TMCO1: variants seen among roughly 807,000 people sequenced by gnomAD.
TMCO1 encodes the protein transmembrane and coiled-coil domains 1, also known as calcium load-activated calcium channel.
A neutral mutation model predicts 29.3 loss-of-function variants in TMCO1; 29 were observed. That is an observed-to-expected ratio of 0.99 (90% CI 0.74 to 1.35). The LOEUF (loss-of-function observed/expected upper bound fraction) is 1.35, where lower values mean the gene tolerates loss of function less well. TMCO1 is among the 40% of genes most tolerant of loss of function. The probability of loss-of-function intolerance (pLI) is 0.00; values close to 1 mark genes in which losing one functional copy is unlikely to be tolerated. For missense variants in TMCO1, 173 were observed against 225.5 expected, an observed-to-expected ratio of 0.77 and a Z score of 1.49; for synonymous variants, 80 against 77.1, an observed-to-expected ratio of 1.04 and a Z score of -0.20.
At chr1:165,725,838 T>C, downstream of TMCO1, 1 of 485,138 alleles carries the variant, frequency 2.1e-6, no homozygotes, top group Non-Finnish European at 4.0e-6. Context: ...CTTTTAAGAA[T>C]AGAGTGAATA....
chr1:165,738,162 A>G (rs4366297), intron 6 of TMCO1, among the ~76,000 whole-genome samples: 36,429 of 152,084 alleles, frequency 0.24, 5,450 homozygotes, highest in East Asian at 0.58. Flanking sequence ...GTGTGGTGGC[A>G]TGCACCTGTA....
intron 6 of TMCO1, among the ~76,000 whole-genome samples, chr1:165,742,512 C>T (rs1203490186): frequency 6.6e-6 from 1 of 152,316 alleles, no homozygotes; most frequent in East Asian, 1.9e-4. Context: ...ATTCTCACGC[C>T]TCAGCCTACC....
chr1:165,742,635 A>G (rs1205746291), intron 6 of TMCO1, among the ~76,000 whole-genome samples: 4 of 151,888 alleles, frequency 2.6e-5, no homozygotes, highest in Admixed American at 6.6e-5. Context: ...ACCTTTCCCC[A>G]CTAATCGAAT....
chr1:165,744,790 CAAA>C lies in TMCO1; in HGVS notation c.324-1482_324-1480del, dbSNP rs558392976. On this transcript the variant is annotated intron_variant, in intron 5 of 6. Coordinates refer to ENST00000367881, the MANE Select transcript of TMCO1 (RefSeq NM_019026.6). Reference sequence around the variant, plus strand: ...GGGCAACAAGAGCAAAACTCCATCTCAAAAAAAAAAAAAAAAAAAAAATTTCAA... The same window carrying C: ...GGGCAACAAGAGCAAAACTCCATCTCAAAAAAAAAAAAAAAAAAATTTCAA... Among the ~76,000 whole-genome samples, 572 of 103,974 alleles carry C rather than the reference CAAA, an allele frequency of 5.5e-3. 3 individuals carry two copies. The highest frequency in any genetic ancestry group is 8.5e-3 in the Middle Eastern group (2 of 234). The allele number at this position is 103,974 out of a possible 152,430, so 68.2% of individuals were successfully genotyped here.
At chr1:165,751,460 T>C (rs955984637) in intron 5 of TMCO1, among the ~76,000 whole-genome samples, 1 of 152,142 alleles carries the variant, frequency 6.6e-6, no homozygotes, top group Non-Finnish European at 1.5e-5. Context: ...TCCCAGCACT[T>C]TGGGAGGCCG....
At chr1:165,741,241 G>A (rs918251622) in intron 6 of TMCO1, among the ~76,000 whole-genome samples, 1 of 152,050 alleles carries the variant, frequency 6.6e-6, no homozygotes, top group African/African-American at 2.4e-5. Context: ...AAGTTCAGCT[G>A]GTTTCCCCTT....
Position 165,768,482 on chromosome 1 carries a change from C to T in TMCO1, c.70+200G>A, listed in dbSNP as rs745310592. 1.2e-5 allele frequency: 18 copies of T among 1,542,770 alleles called. No homozygotes were observed. The East Asian group carries it at 3.4e-4, about 29-fold the overall frequency. ...CCACAAATACCCAAGTGAAATCTAC[C>T]TGAGACCAAAGAAAACTCGGCAATC... On this transcript the variant is annotated intron_variant, in intron 1 of 6. Transcript: ENST00000367881.
chr1:165,725,775 A>G (rs1029003022), downstream of TMCO1: 1 of 456,006 alleles, frequency 2.2e-6, no homozygotes, highest in African/African-American at 2.0e-5. Context: ...AACTCCTTGA[A>G]TTTAATTCTT....
intron 4 of TMCO1, 67 bp from the exon 5 acceptor site, chr1:165,752,236 G>C: frequency 2.0e-6 from 2 of 1,004,472 alleles, no homozygotes; most frequent in Non-Finnish European, 3.0e-6. Context: ...TATCTCAAAA[G>C]TTTTGGTTTC....
At chr1:165,749,950 A>G (rs1288620446) in intron 5 of TMCO1, among the ~76,000 whole-genome samples, 1 of 152,164 alleles carries the variant, frequency 6.6e-6, no homozygotes, top group Non-Finnish European at 1.5e-5. Flanking sequence ...AATCTCACAC[A>G]AATTATCAAA....
chr1:165,750,772 T>C (rs55763123), intron 5 of TMCO1, among the ~76,000 whole-genome samples: 2,018 of 151,848 alleles, frequency 0.013, 52 homozygotes, highest in African/African-American at 0.047. Flanking sequence ...CAAAAAACTT[T>C]TTAAAAATTA....
rs1652110710 is a variant in TMCO1 at position 165,754,279 on chromosome 1, A to G, written c.209-5T>C. ...TCAGTTTCTCTTCTTGTCTCTCTGC[A>G]AAGAATTAATGAGATGGTTAATACA... On this transcript the variant is annotated splice_polypyrimidine_tract_variant and splice_region_variant and intron_variant, in intron 3 of 6. Transcript: ENST00000367881. 6.2e-7 allele frequency: 1 copy of G among 1,608,950 alleles called. No individual in the cohort carries two copies. The highest frequency in any genetic ancestry group is 2.2e-5 in the East Asian group (1 of 44,748).
intron 2 of TMCO1, among the ~76,000 whole-genome samples, chr1:165,762,500 T>C (rs949986095): frequency 7.2e-5 from 11 of 152,176 alleles, no homozygotes; most frequent in African/African-American, 2.4e-4. Context: ...TCTGGTCTTC[T>C]AGAAGACCAG....
chr1:165,740,262 C>T (rs962252946), intron 6 of TMCO1, among the ~76,000 whole-genome samples: 2 of 151,918 alleles, frequency 1.3e-5, no homozygotes, highest in African/African-American at 2.4e-5. Flanking sequence ...AGTGCAGTGG[C>T]GTGATCTTGG....
chr1:165,725,890 T>C, downstream of TMCO1: 1 of 565,112 alleles, frequency 1.8e-6, no homozygotes, highest in Non-Finnish European at 3.3e-6. Context: ...TAAAAAAATT[T>C]TAATGAATAG....
rs767085714 is a variant in TMCO1, at chr1:165,743,198, A to G, written c.437T>C (p.Leu146Pro). Reference protein sequence around the residue: ...DDTTDCSFIFLYILCTMSIRQ... With the variant: ...DDTTDCSFIFPYILCTMSIRQ... ...AATCGACATAGTACAGAGAATATAC[A>G]GGAAAATGAAGGAACAGTCTGTGGT... Residue 146 changes from leucine to proline, a missense_variant, in exon 6 of 7, where the codon CTG (leucine) becomes CCG (proline). Coordinates refer to ENST00000367881, the MANE Select transcript of TMCO1 (RefSeq NM_019026.6). 6.2e-7 allele frequency: 1 copy of G among 1,614,174 alleles called. No individual in the cohort carries two copies. Among genetic ancestry groups the G allele is most frequent in the Non-Finnish European group, 8.5e-7 (1 of 1,180,006 alleles).
chr1:165,737,740 T>C (rs576799929), intron 6 of TMCO1, among the ~76,000 whole-genome samples: 6 of 152,188 alleles, frequency 3.9e-5, no homozygotes, highest in Admixed American at 6.5e-5. Context: ...CAGAATTCTA[T>C]GTCCAATGAA....
chr1:165,767,017 T>C (rs1482177310), intron 2 of TMCO1, among the ~76,000 whole-genome samples: 2 of 152,130 alleles, frequency 1.3e-5, no homozygotes, highest in Non-Finnish European at 2.9e-5. Context: ...TAAGGAACAG[T>C]AAGCTGTAAT....
intron 6 of TMCO1, among the ~76,000 whole-genome samples, chr1:165,742,200 T>G (rs1651622436): frequency 6.6e-6 from 1 of 152,128 alleles, no homozygotes; most frequent in Non-Finnish European, 1.5e-5. Flanking sequence ...GGCAATATGT[T>G]CAGAAACTGA....
Sources: gnomAD v4.1 joint callset for allele counts (sites outside exome capture counted in the v4.1 genomes callset) on GRCh38, gnomAD v4.1.1 for gene constraint, MANE v1.5 for transcripts, NCBI Gene and HGNC (gene_info 2026-07-23, HGNC 2026-07-21) for gene names.